The following TMEM132D variants were observed in gnomAD, a reference collection of about 807,000 sequenced individuals.
TMEM132D encodes mature OL transmembrane protein.
A neutral mutation model predicts 62.3 loss-of-function variants in TMEM132D; 21 were observed. The ratio of observed to expected loss-of-function variants is 0.34; its 90% CI spans 0.24 to 0.49. The LOEUF (loss-of-function observed/expected upper bound fraction) is 0.49, where lower values mean the gene tolerates loss of function less well. TMEM132D is among the 20% of genes least tolerant of loss of function. The pLI, the probability that TMEM132D is intolerant of heterozygous loss-of-function variation, is 0.99. For missense variants in TMEM132D, 1,346 were observed against 1,402.8 expected (o/e 0.96, Z 0.65); for synonymous variants, 621 against 575.6 (o/e 1.08, Z -1.13).
At chr12:129,546,316 A>G (rs1876735332) in intron 2 of TMEM132D, among the ~76,000 whole-genome samples, 1 of 152,220 alleles carries the variant, frequency 6.6e-6, no homozygotes, top group Non-Finnish European at 1.5e-5. Flanking sequence ...ACTTTGATTC[A>G]TTCCTGAAAC....
intron 3 of TMEM132D, among the ~76,000 whole-genome samples, chr12:129,440,693 G>A (rs1872913060): frequency 6.6e-6 from 1 of 152,190 alleles, no homozygotes. Flanking sequence ...GCCTGCTGAT[G>A]TCTGCTGGCT....
chr12:129,332,070 C>G (rs986875706), intron 4 of TMEM132D, among the ~76,000 whole-genome samples: 15 of 152,118 alleles, frequency 9.9e-5, no homozygotes, highest in Non-Finnish European at 2.1e-4. Context: ...ATTAGCTGGG[C>G]TAATATCTGG....
intron 3 of TMEM132D, among the ~76,000 whole-genome samples, chr12:129,506,044 G>A (rs1875319651): frequency 6.6e-6 from 1 of 152,070 alleles, no homozygotes; most frequent in African/African-American, 2.4e-5. Flanking sequence ...TGAGATGTGA[G>A]GTTCTATTCT....
At chr12:129,545,260 C>A (rs1263565731) in intron 2 of TMEM132D, among the ~76,000 whole-genome samples, 1 of 152,186 alleles carries the variant, frequency 6.6e-6, no homozygotes, top group Non-Finnish European at 1.5e-5. Context: ...GGAGAAAAAT[C>A]AAGTCCTACT....
chr12:129,279,806 T>C (rs1881093144), intron 4 of TMEM132D, among the ~76,000 whole-genome samples: 1 of 152,238 alleles, frequency 6.6e-6, no homozygotes, highest in Non-Finnish European at 1.5e-5. Flanking sequence ...TCTCATGTTT[T>C]ACGCAGCCAC....
chr12:129,323,673 T>C (rs1868795747), intron 4 of TMEM132D, among the ~76,000 whole-genome samples: 1 of 152,224 alleles, frequency 6.6e-6, no homozygotes, highest in African/African-American at 2.4e-5. Flanking sequence ...TAATCCTCAA[T>C]GTTGCATATC....
chr12:129,813,957 C>T (rs1475860539), intron 1 of TMEM132D, among the ~76,000 whole-genome samples: 4 of 151,970 alleles, frequency 2.6e-5, no homozygotes, highest in Admixed American at 2.6e-4. Context: ...AAATACAATA[C>T]CAATGAACAG....
rs553861892 is a variant in TMEM132D at position 129,458,235 on chromosome 12, C to A, written c.1115+72824G>T. ...TGTCTCTTCTCTTCTCTGCTGAGTT[C>A]TTGACTGCAACAACAATAAAAGGAG... is the stretch of plus-strand genomic sequence containing the variant. On this transcript the variant is annotated intron_variant, in intron 3 of 8. Transcript: ENST00000422113. Among the ~76,000 whole-genome samples, 29 of 152,264 alleles carry A rather than the reference C, an allele frequency of 1.9e-4. No individual in the cohort carries two copies. The South Asian group carries it at 6.0e-3, about 32-fold the overall frequency.
At chr12:129,410,027 A>G (rs377488959) in intron 3 of TMEM132D, among the ~76,000 whole-genome samples, 196 of 152,330 alleles carry the variant, frequency 1.3e-3, no homozygotes, top group African/African-American at 4.5e-3. Context: ...AGAAACATGG[A>G]TTCCTCTGCC....
At position 129,700,103 on chromosome 12, in the gene TMEM132D, C is replaced by T. The variant is rs1565954093; in HGVS notation, c.675G>A (p.Glu225=). 6.2e-7 allele frequency: 1 copy of T among 1,613,548 alleles called. No homozygotes were observed. Among genetic ancestry groups the T allele is most frequent in the East Asian group, 2.2e-5 (1 of 44,842 alleles). The change falls in exon 2 of 9, where the codon GAG becomes GAA. Residue 225 remains glutamate (E), a synonymous_variant. Transcript: ENST00000422113. ...SVDQPEGTPV[E]LYYTVHPGGE... ...CCCCTGGGTGCACGGTGTAGTAGAG[C>T]TCCACGGGGGTCCCCTCCGGCTGGT...
chr12:129,547,358 C>T (rs1041633988), intron 2 of TMEM132D, among the ~76,000 whole-genome samples: 5 of 152,170 alleles, frequency 3.3e-5, no homozygotes, highest in Non-Finnish European at 7.3e-5. Context: ...CCTGCCTCGG[C>T]CTCCCAAGGT....
chr12:129,337,610 C>A (rs1370613530), intron 4 of TMEM132D, 24 bp downstream of exon 4: 4 of 1,610,192 alleles, frequency 2.5e-6, no homozygotes, highest in Admixed American at 1.7e-5. Flanking sequence ...TCAGTTCTAA[C>A]AGCCCAGGGC....
At chr12:129,660,735 C>A (rs146800270) in intron 2 of TMEM132D, among the ~76,000 whole-genome samples, 1 of 152,218 alleles carries the variant, frequency 6.6e-6, no homozygotes, top group African/African-American at 2.4e-5. Flanking sequence ...AATGACAATA[C>A]TCCTGTCTTG....
intron 2 of TMEM132D, among the ~76,000 whole-genome samples, chr12:129,583,230 T>C (rs1877928687): frequency 6.6e-6 from 1 of 152,234 alleles, no homozygotes; most frequent in African/African-American, 2.4e-5. Context: ...AAAAAAATGT[T>C]CATCGTGGCT....
chr12:129,650,734 C>G (rs910966405), intron 2 of TMEM132D, among the ~76,000 whole-genome samples: 3 of 152,172 alleles, frequency 2.0e-5, no homozygotes, highest in African/African-American at 7.2e-5. Flanking sequence ...AACTGATCAT[C>G]TCTTCTCAAG....
At chr12:129,556,301 G>T (rs530860137) in intron 2 of TMEM132D, among the ~76,000 whole-genome samples, 12 of 152,228 alleles carry the variant, frequency 7.9e-5, no homozygotes, top group African/African-American at 2.6e-4. Context: ...TTCTGCCTCT[G>T]CCACCACCCC....
At chr12:129,211,545 AT>A (rs1027448565) in intron 4 of TMEM132D, among the ~76,000 whole-genome samples, 116 of 152,126 alleles carry the variant, frequency 7.6e-4, no homozygotes, top group African/African-American at 2.7e-3. Context: ...TTACATAACT[AT>A]TTTCATTATG....
At chr12:129,660,177 C>T (rs1880200222) in intron 2 of TMEM132D, among the ~76,000 whole-genome samples, 2 of 151,962 alleles carry the variant, frequency 1.3e-5, no homozygotes, top group Admixed American at 1.3e-4. Flanking sequence ...GAGAGAGAGG[C>T]TCAAATTACT....
intron 4 of TMEM132D, among the ~76,000 whole-genome samples, chr12:129,260,918 G>T (rs769958221): frequency 6.6e-6 from 1 of 152,090 alleles, no homozygotes. Context: ...TTGGTTGCTG[G>T]GCACTGAGGT....
Sources: gnomAD v4.1 joint callset for allele counts (sites outside exome capture counted in the v4.1 genomes callset) on GRCh38, gnomAD v4.1.1 for gene constraint, MANE v1.5 for transcripts, NCBI Gene and HGNC (gene_info 2026-07-23, HGNC 2026-07-21) for gene names.